FRMD4A: variants seen among roughly 807,000 people sequenced by gnomAD.
The protein encoded by FRMD4A is FERM domain containing 4A, also known as FERM domain-containing protein 4A.
In FRMD4A, 29 loss-of-function variants were observed where a neutral mutation model predicts 129.1. The observed-to-expected ratio is 0.22, with a 90% confidence interval of 0.17 to 0.31. FRMD4A has a LOEUF of 0.31. FRMD4A is among the 10% of genes least tolerant of loss of function. The pLI, the probability that FRMD4A is intolerant of heterozygous loss-of-function variation, is 1.00. For missense variants in FRMD4A, 1,272 were observed against 1,375.8 expected (o/e 0.92, Z 1.19); for synonymous variants, 634 against 571.6 (o/e 1.11, Z -1.56).
At chr10:13,694,416 GA>G (rs2086021149) in intron 14 of FRMD4A, among the ~76,000 whole-genome samples, 1 of 152,188 alleles carries the variant, frequency 6.6e-6, no homozygotes, top group Non-Finnish European at 1.5e-5. Flanking sequence ...GGTCAAAGGA[GA>G]AAAAGTGTGG....
intron 6 of FRMD4A, among the ~76,000 whole-genome samples, chr10:13,764,184 C>CGTGTGT (rs369852562): frequency 0.13 from 18,109 of 141,518 alleles, 2,009 homozygotes; most frequent in African/African-American, 0.29. Flanking sequence ...CAAAGATTTC[C>CGTGTGT]GTGTGTGTGT....
Position 13,829,842 on chromosome 10 carries a change from C to T in FRMD4A, c.112-18934G>A, listed in dbSNP as rs1177334367. Among the ~76,000 whole-genome samples the T allele has an allele frequency of 2.6e-5, 4 of 152,210 alleles. No individual in the cohort carries two copies. In the South Asian group the frequency reaches 8.3e-4, roughly 32 times the overall value. On this transcript the variant is annotated intron_variant, in intron 3 of 24. Transcript: ENST00000357447. The stretch of plus-strand genomic sequence containing the variant: ...TCCCCATCTTTGCTTCTGTCACCTG[C>T]CTGACTCTTCTTGCCATAAGTGTTT...
intron 2 of FRMD4A, among the ~76,000 whole-genome samples, chr10:14,143,960 A>T (rs1387777169): frequency 6.6e-6 from 1 of 152,168 alleles, no homozygotes; most frequent in Non-Finnish European, 1.5e-5. Context: ...ATTTTTTTAC[A>T]TTGAAAAATG....
chr10:14,180,489 A>G (rs1441276622), intron 2 of FRMD4A, among the ~76,000 whole-genome samples: 2 of 152,166 alleles, frequency 1.3e-5, no homozygotes, highest in Non-Finnish European at 2.9e-5. Flanking sequence ...CGGGAGGATA[A>G]CAGAAGACCC....
At chr10:14,240,158 C>A (rs1442036975) in intron 2 of FRMD4A, among the ~76,000 whole-genome samples, 1 of 152,188 alleles carries the variant, frequency 6.6e-6, no homozygotes, top group Non-Finnish European at 1.5e-5. Flanking sequence ...CTCGCCCATG[C>A]TCTCTTCCCT....
chr10:14,066,829 T>C (rs1835082470), intron 2 of FRMD4A, among the ~76,000 whole-genome samples: 1 of 152,188 alleles, frequency 6.6e-6, no homozygotes, highest in Non-Finnish European at 1.5e-5. Flanking sequence ...ATCGTTATTG[T>C]TATGAGAGAC....
At chr10:14,195,490 G>C (rs75645291) in intron 2 of FRMD4A, among the ~76,000 whole-genome samples, 107 of 151,094 alleles carry the variant, frequency 7.1e-4, no homozygotes, top group African/African-American at 2.4e-3. Context: ...GCTGCAGTTA[G>C]AGACTGAAAA....
rs571188783 is a variant in FRMD4A at position 14,324,513 on chromosome 10, T to G, written c.45+5545A>C. Among the ~76,000 whole-genome samples the G allele has an allele frequency of 3.3e-5, 5 of 152,346 alleles. No individual in the cohort carries two copies. The South Asian group carries it at 1.0e-3, about 32-fold the overall frequency. ...GGGCCCCATGCCTGGATGGCCCCAT[T>G]CTGTATACAGTGGTTTAGGTGGCTT... On this transcript the variant is annotated intron_variant, in intron 2 of 24. Transcript: ENST00000357447.
chr10:13,713,810 CAT>C (rs1204384127), intron 12 of FRMD4A, among the ~76,000 whole-genome samples: 10 of 116,278 alleles, frequency 8.6e-5, no homozygotes, highest in Admixed American at 1.2e-4. Context: ...TATATATACA[CAT>C]ATATATAATA....
At chr10:13,834,965 T>C (rs2093850183) in intron 3 of FRMD4A, among the ~76,000 whole-genome samples, 1 of 152,208 alleles carries the variant, frequency 6.6e-6, no homozygotes, top group Non-Finnish European at 1.5e-5. Context: ...TTCCCCGTGA[T>C]AGCAGCGTGC....
At chr10:14,185,394 T>TG (rs1363898544) in intron 2 of FRMD4A, among the ~76,000 whole-genome samples, 1 of 152,188 alleles carries the variant, frequency 6.6e-6, no homozygotes, top group Admixed American at 6.5e-5. Flanking sequence ...AGAATGTGCA[T>TG]GAAAAAATCT....
intron 2 of FRMD4A, among the ~76,000 whole-genome samples, chr10:13,934,263 G>A (rs551045410): frequency 5.5e-4 from 83 of 152,282 alleles, no homozygotes; most frequent in African/African-American, 2.0e-3. Context: ...CAGGGAACAG[G>A]TTCTAGTGAG....
At chr10:13,769,738 A>T (rs1273186699) in intron 6 of FRMD4A, among the ~76,000 whole-genome samples, 1 of 152,228 alleles carries the variant, frequency 6.6e-6, no homozygotes, top group East Asian at 1.9e-4. Context: ...CAATCCTGGA[A>T]GGCTTGAATA....
At chr10:13,822,968 AT>A (rs1564860598) in intron 3 of FRMD4A, among the ~76,000 whole-genome samples, 4 of 151,952 alleles carry the variant, frequency 2.6e-5, no homozygotes, top group African/African-American at 9.7e-5. Context: ...TAGTCTCCCC[AT>A]TTGTCCCTCT....
chr10:14,242,527 A>C (rs1049530419), intron 2 of FRMD4A, among the ~76,000 whole-genome samples: 1 of 152,262 alleles, frequency 6.6e-6, no homozygotes, highest in African/African-American at 2.4e-5. Flanking sequence ...AGTCCAATAA[A>C]GACATACAAA....
rs747847769 is a variant in FRMD4A, at chr10:13,932,487, C to T, written c.46-73575G>A. 3.3e-5 allele frequency among the ~76,000 whole-genome samples: 5 copies of T among 152,216 alleles called. No homozygotes were observed. The East Asian group carries it at 5.8e-4, about 18-fold the overall frequency. ...CACACCTTGTTCCATGAGGAGAAGG[C>T]GGGGCAGTCTCTCTTGCTCCTCCTA... On this transcript the variant is annotated intron_variant, in intron 2 of 24. Transcript: ENST00000357447.
chr10:13,962,475 T>G (rs2095452116), intron 2 of FRMD4A, among the ~76,000 whole-genome samples: 1 of 152,232 alleles, frequency 6.6e-6, no homozygotes, highest in Non-Finnish European at 1.5e-5. Context: ...AGGCAAGCGT[T>G]TGTGAAGACT....
chr10:14,069,236 G>A (rs1375091231), intron 2 of FRMD4A, among the ~76,000 whole-genome samples: 2 of 152,190 alleles, frequency 1.3e-5, no homozygotes, highest in African/African-American at 4.8e-5. Context: ...TATGGTGATA[G>A]ACTATGTTAT....
chr10:13,926,293 A>T (rs1445400248), intron 2 of FRMD4A, among the ~76,000 whole-genome samples: 2 of 152,330 alleles, frequency 1.3e-5, no homozygotes, highest in Non-Finnish European at 2.9e-5. Flanking sequence ...GGTTATTTGC[A>T]GCCAGACTGG....
Sources: allele counts gnomAD v4.1 joint callset (sites outside exome capture counted in the v4.1 genomes callset), GRCh38; gene constraint gnomAD v4.1.1; transcripts MANE v1.5; gene names NCBI Gene and HGNC (gene_info 2026-07-23, HGNC 2026-07-21).